The following SHISAL2A variants were observed in gnomAD, a reference collection of about 807,000 sequenced individuals.
The protein encoded by SHISAL2A is shisa like 2A, also known as protein shisa-like-2A.
A neutral mutation model predicts 11.5 loss-of-function variants in SHISAL2A; 18 were observed. That is an observed-to-expected ratio of 1.57 (90% CI 1.08 to 2.33). SHISAL2A has a LOEUF of 2.33. SHISAL2A is among the 30% of genes most tolerant of loss of function. The pLI, the probability that SHISAL2A is intolerant of heterozygous loss-of-function variation, is 0.00. For missense variants in SHISAL2A, 261 were observed against 250.9 expected, an observed-to-expected ratio of 1.04 and a Z score of -0.27; for synonymous variants, 94 against 99.6, an observed-to-expected ratio of 0.94 and a Z score of 0.34.
intron 4 of SHISAL2A, among the ~76,000 whole-genome samples, chr1:52,666,064 C>T (rs1044220593): frequency 2.0e-5 from 3 of 152,288 alleles, no homozygotes; most frequent in Admixed American, 2.0e-4. Flanking sequence ...ATATCCCAGC[C>T]CTTCTGGCCT....
chr1:52,663,991 G>A (rs935739862), intron 4 of SHISAL2A, among the ~76,000 whole-genome samples: 10 of 152,160 alleles, frequency 6.6e-5, no homozygotes, highest in Non-Finnish European at 1.0e-4. Flanking sequence ...TTTGAGCATT[G>A]CAATATGCCA....
intron 1 of SHISAL2A, among the ~76,000 whole-genome samples, chr1:52,637,048 C>A (rs1691250966): frequency 6.6e-6 from 1 of 152,164 alleles, no homozygotes; most frequent in Admixed American, 6.5e-5. Context: ...CCTTCCGTTG[C>A]CCTGGAAACT....
At chr1:52,661,710 T>G (rs1691909793), downstream of SHISAL2A, among the ~76,000 whole-genome samples, 1 of 152,030 alleles carries the variant, frequency 6.6e-6, no homozygotes, top group Non-Finnish European at 1.5e-5. Flanking sequence ...GAAGACACAC[T>G]GTGGGCCCAC....
intron 2 of SHISAL2A, among the ~76,000 whole-genome samples, chr1:52,645,182 G>A (rs1488955629): frequency 6.6e-6 from 1 of 152,108 alleles, no homozygotes; most frequent in Non-Finnish European, 1.5e-5. Flanking sequence ...AATACAACAA[G>A]CAACAGCACA....
Position 52,633,368 on chromosome 1 carries a change from C to A in SHISAL2A, c.-126C>A. The A allele has an allele frequency of 1.1e-6, 1 of 871,962 alleles. No individual in the cohort carries two copies. The highest frequency in any genetic ancestry group is 1.6e-6 in the Non-Finnish European group (1 of 615,738). The allele number at this position is 871,962 out of a possible 1,614,324, so 54.0% of individuals were successfully genotyped here. On this transcript the variant is annotated 5_prime_UTR_variant, in exon 1 of 3. Coordinates refer to ENST00000517870, the MANE Select transcript of SHISAL2A (RefSeq NM_001042693.3). This position sits in a 1 kb window ranked among gnomAD's most constrained non-coding sequence, Gnocchi z 6.4. ...TGTCTCTGTCTCGGCTTCTCTCGGCCCCTGGGTCTCTTCGTCTCTGCCGTT... is the reference window on the plus strand; with the variant it reads ...TGTCTCTGTCTCGGCTTCTCTCGGCACCTGGGTCTCTTCGTCTCTGCCGTT...
chr1:52,642,829 G>A, intron 1 of SHISAL2A, 34 bp from the exon 2 acceptor site: 4 of 1,609,964 alleles, frequency 2.5e-6, no homozygotes, highest in Non-Finnish European at 3.4e-6. Flanking sequence ...GTCCCTTCCT[G>A]ACTCTCAGCT....
At chr1:52,655,452 C>CAAAAAAA (rs11346128) in intron 2 of SHISAL2A, among the ~76,000 whole-genome samples, 1 of 40,130 alleles carries the variant, frequency 2.5e-5, no homozygotes, top group African/African-American at 8.9e-5. Context: ...CCTGTATCTA[C>CAAAAAAA]AAAAAAAAAA....
chr1:52,643,906 G>C (rs1691432046), intron 2 of SHISAL2A, among the ~76,000 whole-genome samples: 1 of 151,690 alleles, frequency 6.6e-6, no homozygotes, highest in African/African-American at 2.4e-5. Context: ...GAGGGAGGGA[G>C]GGAAGGAGGG....
chr1:52,638,141 G>A (rs1166742528), intron 1 of SHISAL2A, among the ~76,000 whole-genome samples: 1 of 152,098 alleles, frequency 6.6e-6, no homozygotes, highest in Non-Finnish European at 1.5e-5. Flanking sequence ...TCTGTCACCA[G>A]GACAGACCAG....
intron 1 of SHISAL2A, among the ~76,000 whole-genome samples, chr1:52,639,156 G>T (rs966337761): frequency 4.0e-5 from 6 of 151,858 alleles, no homozygotes; most frequent in African/African-American, 1.5e-4. Flanking sequence ...CTGGGTGGTA[G>T]AGTGAGATCC....
chr1:52,649,375 A>G (rs1015671790), intron 2 of SHISAL2A, among the ~76,000 whole-genome samples: 1 of 152,222 alleles, frequency 6.6e-6, no homozygotes, highest in Non-Finnish European at 1.5e-5. Context: ...ATGTCAACCC[A>G]GATCTCCCAG....
Position 52,642,863 on chromosome 1 carries a change from C to T in SHISAL2A, c.183C>T (p.Ser61=). The T allele has an allele frequency of 6.2e-7, 1 of 1,612,958 alleles. No individual in the cohort carries two copies. Residue 61 remains serine (S), a splice_region_variant and synonymous_variant, in exon 2 of 3, where the codon AGC becomes AGT. Coordinates refer to ENST00000517870, the MANE Select transcript of SHISAL2A (RefSeq NM_001042693.3). The part of the protein sequence containing the change: ...PYEHSYMWWL[S]IGALIGLSVA... ...CTCCCATGTGGTCTTCTCTTCCCAG[C>T]ATTGGCGCTCTCATAGGCCTGTCCG...
At chr1:52,668,746 A>G (rs1692057161) in exon 6 of SHISAL2A, 1 of 152,336 alleles carries the variant, frequency 6.6e-6, no homozygotes, top group South Asian at 2.1e-4. Context: ...TGGCCTTTGG[A>G]TCAGGTTCTT....
chr1:52,648,795 G>T (rs919837370), intron 2 of SHISAL2A, among the ~76,000 whole-genome samples: 1 of 152,100 alleles, frequency 6.6e-6, no homozygotes, highest in Non-Finnish European at 1.5e-5. Context: ...AGGACTGTGG[G>T]ATGTTCTGGC....
intron 2 of SHISAL2A, among the ~76,000 whole-genome samples, chr1:52,650,064 A>G (rs1251140563): frequency 6.6e-6 from 1 of 152,168 alleles, no homozygotes; most frequent in Non-Finnish European, 1.5e-5. Context: ...AGCTGCCCCT[A>G]TACTGCAGAA....
At position 52,639,150 on chromosome 1, in the gene SHISAL2A, G is replaced by A. The variant is rs181614790; in HGVS notation, c.183-3713G>A. On this transcript the variant is annotated intron_variant, in intron 1 of 2. Coordinates refer to ENST00000517870, the MANE Select transcript of SHISAL2A (RefSeq NM_001042693.3). ...ATGGTGCCACTGTACTCCAGCCTGG[G>A]TGGTAGAGTGAGATCCTGTCTCAGA... 5.9e-5 allele frequency among the ~76,000 whole-genome samples: 9 copies of A among 152,038 alleles called. No homozygotes were observed. The East Asian group carries it at 1.7e-3, about 29-fold the overall frequency.
chr1:52,662,982 G>C (rs974887120), intron 4 of SHISAL2A, among the ~76,000 whole-genome samples: 1 of 152,166 alleles, frequency 6.6e-6, no homozygotes, highest in Non-Finnish European at 1.5e-5. Context: ...CTCCAAGGAG[G>C]CCTTTCTCCG....
At position 52,650,684 on chromosome 1, in the gene SHISAL2A, A is replaced by C. The variant is rs188409191; in HGVS notation, c.323-6106A>C. 6.0e-3 allele frequency among the ~76,000 whole-genome samples: 672 copies of C among 112,278 alleles called. 2 individuals carry two copies. Among genetic ancestry groups the C allele is most frequent in the Middle Eastern group, 0.036 (4 of 110 alleles). 73.7% of individuals were successfully genotyped at this position (112,278 alleles called of 152,430 possible). A position where few individuals can be genotyped will look rare whatever the true frequency, so the allele number is the denominator to read the frequency against. On this transcript the variant is annotated intron_variant, in intron 2 of 2. Coordinates refer to ENST00000517870, the MANE Select transcript of SHISAL2A (RefSeq NM_001042693.3). ...TTTTGAGACAGAATCTCCCTCTGTTACCCAGGCTGGAGTGCAGTGGTGTGA... is the reference window on the plus strand; with the variant it reads ...TTTTGAGACAGAATCTCCCTCTGTTCCCCAGGCTGGAGTGCAGTGGTGTGA...
At chr1:52,667,185 AGAGAC>A (rs1558097197) in intron 4 of SHISAL2A, among the ~76,000 whole-genome samples, 4 of 152,250 alleles carry the variant, frequency 2.6e-5, no homozygotes, top group Admixed American at 1.3e-4. Flanking sequence ...TTACAGGTGA[AGAGAC>A]TGAGGCTCTG....
Sources: gnomAD v4.1 joint callset for allele counts (sites outside exome capture counted in the v4.1 genomes callset) on GRCh38, gnomAD v4.1.1 for gene constraint, Gnocchi (gnomAD v3.1) non-coding constraint, MANE v1.5 for transcripts, NCBI Gene and HGNC (gene_info 2026-07-23, HGNC 2026-07-21) for gene names.